Variants in PLXNC1 observed in about 807,000 individuals in gnomAD.
PLXNC1 encodes plexin C1.
In PLXNC1, 75 loss-of-function variants were observed where a neutral mutation model predicts 178.2. The ratio of observed to expected loss-of-function variants is 0.42; its 90% CI spans 0.35 to 0.51. The LOEUF (loss-of-function observed/expected upper bound fraction) is 0.51, where lower values mean the gene tolerates loss of function less well. Among genes scored for constraint, PLXNC1 ranks in the 20% least tolerant of loss-of-function variants. PLXNC1 has a pLI of 0.02. For synonymous variants in PLXNC1, 790 were observed against 779.9 expected, an observed-to-expected ratio of 1.01 and a Z score of -0.22; for missense variants, 1,503 against 1,984.4, an observed-to-expected ratio of 0.76 and a Z score of 4.61.
In PLXNC1 at chr12:94,297,289, G is replaced by A. The variant is rs760898811; in HGVS notation, c.3967-27G>A. On this transcript the variant is annotated intron_variant, in intron 25 of 30. Coordinates refer to ENST00000258526, the MANE Select transcript of PLXNC1 (RefSeq NM_005761.3). ...TCTGTAGCAAGAGTGGTCTCCTTGG[G>A]TAACGCTTCTGCTGTCTTCCCTTCA... The A allele has an allele frequency of 1.6e-5, 26 of 1,612,422 alleles. 1 individual carries two copies. The highest frequency in any genetic ancestry group is 1.4e-4 in the South Asian group (13 of 91,056).
chr12:94,187,192 G>GAGAGA (rs5800150), intron 4 of PLXNC1, among the ~76,000 whole-genome samples: 1 of 148,586 alleles, frequency 6.7e-6, no homozygotes, highest in Non-Finnish European at 1.5e-5. Context: ...GAGAGAGAGA[G>GAGAGA]AAAAAAAAAC....
intron 6 of PLXNC1, 44 bp downstream of exon 6, chr12:94,220,207 A>G (rs763828054): frequency 2.5e-6 from 4 of 1,585,886 alleles, no homozygotes; most frequent in Admixed American, 1.7e-5. Flanking sequence ...AAATCAAAAA[A>G]ACAAGGGAAC....
Position 94,306,577 on chromosome 12 carries a change from C to G in PLXNC1, c.*1292C>G, listed in dbSNP as rs775748141. The G allele has an allele frequency of 1.9e-4, 29 of 152,158 alleles. No homozygotes were observed. Among genetic ancestry groups the G allele is most frequent in the Non-Finnish European group, 3.1e-4 (21 of 68,022 alleles). The allele number at this position is 152,158 out of a possible 1,614,324, so 9.4% of individuals were successfully genotyped here. A position where few individuals can be genotyped will look rare whatever the true frequency, so the allele number is the denominator to read the frequency against. On this transcript the variant is annotated 3_prime_UTR_variant, in exon 31 of 31. Transcript: ENST00000258526. ...AACAGCATAATTGGCAACTCTTGAGCTTTTCTTGTGGCAGGCACCTTTTAC... is the reference window on the plus strand; with the variant it reads ...AACAGCATAATTGGCAACTCTTGAGGTTTTCTTGTGGCAGGCACCTTTTAC...
chr12:94,252,542 T>C (rs1565831888), intron 15 of PLXNC1, among the ~76,000 whole-genome samples: 1 of 152,234 alleles, frequency 6.6e-6, no homozygotes, highest in South Asian at 2.1e-4. Flanking sequence ...TGGCCAAATC[T>C]GGTCCACCAA....
intron 2 of PLXNC1, among the ~76,000 whole-genome samples, chr12:94,174,246 G>C (rs1005095532): frequency 9.2e-5 from 14 of 151,730 alleles, no homozygotes; most frequent in African/African-American, 3.4e-4. Flanking sequence ...GTGCAGTGGT[G>C]CAGTCTCGGC....
At chr12:94,273,161 C>T (rs1347205147) in intron 21 of PLXNC1, among the ~76,000 whole-genome samples, 1 of 152,210 alleles carries the variant, frequency 6.6e-6, no homozygotes, top group Non-Finnish European at 1.5e-5. Flanking sequence ...ATTGCATTCC[C>T]AGTACGTGAT....
intron 1 of PLXNC1, among the ~76,000 whole-genome samples, chr12:94,151,915 C>T (rs769682867): frequency 6.6e-6 from 1 of 152,142 alleles, no homozygotes; most frequent in East Asian, 1.9e-4. Flanking sequence ...CAGAGGAAGT[C>T]GCGGAGCTTC....
chr12:94,178,543 T>G (rs1962187180), intron 2 of PLXNC1, among the ~76,000 whole-genome samples: 1 of 152,234 alleles, frequency 6.6e-6, no homozygotes, highest in Non-Finnish European at 1.5e-5. Flanking sequence ...AGCTGATTAA[T>G]ACAGCTAATG....
chr12:94,209,389 A>G (rs1963397510), intron 4 of PLXNC1, among the ~76,000 whole-genome samples: 1 of 152,152 alleles, frequency 6.6e-6, no homozygotes, highest in African/African-American at 2.4e-5. Flanking sequence ...TGATGGAAAA[A>G]AATGCTCTGC....
intron 1 of PLXNC1, among the ~76,000 whole-genome samples, chr12:94,152,925 A>G (rs1961013391): frequency 6.6e-6 from 1 of 152,204 alleles, no homozygotes; most frequent in Non-Finnish European, 1.5e-5. Flanking sequence ...ACACTGGACC[A>G]TTACTTTTTC....
At chr12:94,303,683 AT>A (rs1407224624) in intron 28 of PLXNC1, 72 bp from the exon 29 acceptor site, 1 of 1,263,850 alleles carries the variant, frequency 7.9e-7, no homozygotes, top group East Asian at 2.6e-5. Context: ...AATATTATAA[AT>A]TCCTCCATCT....
chr12:94,227,456 A>T (rs920195963), intron 9 of PLXNC1: 4 of 400,720 alleles, frequency 1.0e-5, no homozygotes, highest in Non-Finnish European at 1.8e-5. Flanking sequence ...TAATTATGAA[A>T]AATGATGTTG....
intron 7 of PLXNC1, among the ~76,000 whole-genome samples, chr12:94,225,351 G>A (rs1298681949): frequency 6.6e-6 from 1 of 152,148 alleles, no homozygotes; most frequent in East Asian, 1.9e-4. Context: ...ATTTGAACTT[G>A]AAGCTGAGCT....
Position 94,216,901 on chromosome 12 carries a change from G to A in PLXNC1, c.1555-3115G>A, listed in dbSNP as rs180816070. On this transcript the variant is annotated intron_variant, in intron 5 of 30. Coordinates refer to ENST00000258526, the MANE Select transcript of PLXNC1 (RefSeq NM_005761.3). ...TCCCTCTTTATCCAGCTTGATTCACGAAAAAGCCATCAGCCTGGTAAGGAG... is the reference window on the plus strand; with the variant it reads ...TCCCTCTTTATCCAGCTTGATTCACAAAAAAGCCATCAGCCTGGTAAGGAG... Among the ~76,000 whole-genome samples the A allele has an allele frequency of 2.8e-3, 422 of 152,146 alleles. 3 individuals carry two copies. Among genetic ancestry groups the A allele is most frequent in the African/African-American group, 9.5e-3 (395 of 41,500 alleles).
chr12:94,209,796 C>A (rs370144066), intron 5 of PLXNC1, 92 bp downstream of exon 5: 1 of 781,570 alleles, frequency 1.3e-6, no homozygotes, highest in Non-Finnish European at 2.2e-6. Flanking sequence ...TATCCATTAG[C>A]AATCAAACAT....
chr12:94,154,093 G>C (rs1003269330), intron 1 of PLXNC1, among the ~76,000 whole-genome samples: 3 of 152,170 alleles, frequency 2.0e-5, no homozygotes, highest in Admixed American at 2.0e-4. Flanking sequence ...TAGAAAGAGG[G>C]GAAAGCAATC....
chr12:94,305,950 C>CTAAAG lies in PLXNC1; in HGVS notation c.*669_*673dup, dbSNP rs1968961083. 6.6e-6 allele frequency: 1 copy of CTAAAG among 152,106 alleles called. No homozygotes were observed. The highest frequency in any genetic ancestry group is 2.4e-5 in the African/African-American group (1 of 41,418). 9.4% of individuals were successfully genotyped at this position (152,106 alleles called of 1,614,324 possible). On this transcript the variant is annotated 3_prime_UTR_variant, in exon 31 of 31. Transcript: ENST00000258526. Reference sequence around the variant, plus strand: ...CTCACCTCCATTTCACCAAGGAGCTCTAAAGTAAGGAGAGTGGGCTTTATT... The same window carrying CTAAAG: ...CTCACCTCCATTTCACCAAGGAGCTCTAAAGTAAAGTAAGGAGAGTGGGCTTTATT...
intron 30 of PLXNC1, 172 bp downstream of exon 30, chr12:94,304,223 GC>G (rs778782630): frequency 1.9e-6 from 1 of 528,930 alleles, no homozygotes. Flanking sequence ...GTACATGGCT[GC>G]CCCCCTTACA....
chr12:94,209,642 G>T lies in PLXNC1; in HGVS notation c.1492G>T (p.Asp498Tyr). The part of the protein sequence containing the change: ...VHSENLENWL[D>Y]ISSGAKKCPK... Reference sequence around the variant, plus strand: ...TTCAGAGAACTTAGAAAACTGGCTGGATATTTCGTCTGGAGCAAAAAAGTG... The same window carrying T: ...TTCAGAGAACTTAGAAAACTGGCTGTATATTTCGTCTGGAGCAAAAAAGTG... The change falls in exon 5 of 31, where the codon GAT (aspartate) becomes TAT (tyrosine). Residue 498 changes from aspartate to tyrosine, a missense_variant. Around this residue, in one of 4 missense-constraint regions of PLXNC1, gnomAD observed 615 missense variants for 698.6 expected, o/e 0.88. Coordinates refer to ENST00000258526, the MANE Select transcript of PLXNC1 (RefSeq NM_005761.3). 6.2e-7 allele frequency: 1 copy of T among 1,613,862 alleles called. No individual in the cohort carries two copies. Among genetic ancestry groups the T allele is most frequent in the Non-Finnish European group, 8.5e-7 (1 of 1,179,796 alleles).
Sources: allele counts gnomAD v4.1 joint callset (sites outside exome capture counted in the v4.1 genomes callset), GRCh38; gene constraint gnomAD v4.1.1; regional missense constraint gnomAD v4.1.1; transcripts MANE v1.5; gene names NCBI Gene and HGNC (gene_info 2026-07-23, HGNC 2026-07-21).